Variants in ZNF438 observed in about 807,000 individuals in gnomAD.
ZNF438 encodes the protein zinc finger protein 438.
In ZNF438, 25 loss-of-function variants were observed where a neutral mutation model predicts 38.0. The observed-to-expected ratio is 0.66, with a 90% CI of 0.48 to 0.92. The LOEUF is 0.92. ZNF438 is among the 40% of genes least tolerant of loss of function. The probability of loss-of-function intolerance (pLI) is 0.00; values close to 1 mark genes in which losing one functional copy is unlikely to be tolerated. For synonymous variants in ZNF438, 372 were observed against 364.1 expected (o/e 1.02, Z -0.25); for missense variants, 1,007 against 999.6 (o/e 1.01, Z -0.10).
chr10:30,974,564 A>G (rs1270331203), intron 1 of ZNF438, among the ~76,000 whole-genome samples: 2 of 152,254 alleles, frequency 1.3e-5, no homozygotes, highest in African/African-American at 2.4e-5. Flanking sequence ...AATAGGGACA[A>G]TCGACTGCAA....
At position 30,956,811 on chromosome 10, in the gene ZNF438, A is replaced by C. The variant is rs532489262; in HGVS notation, c.-191-15160T>G. ...ACTAATAAACACTTAGGTTGATTCC[A>C]TATCTTGGCTATTGTAACTAGTGCT... On this transcript the variant is annotated intron_variant, in intron 1 of 5. Coordinates refer to ENST00000413025, the Ensembl canonical transcript of ZNF438. Among the ~76,000 whole-genome samples the C allele has an allele frequency of 2.0e-4, 31 of 152,290 alleles. No individual in the cohort carries two copies. The South Asian group carries it at 6.2e-3, about 31-fold the overall frequency.
At chr10:30,875,299 AG>A in intron 4 of ZNF438, 1 of 985,452 alleles carries the variant, frequency 1.0e-6, no homozygotes, top group African/African-American at 1.7e-5. Flanking sequence ...AGAGCCAAGC[AG>A]CTTGTTGCTT....
chr10:30,940,448 G>A (rs1216121067), intron 2 of ZNF438, among the ~76,000 whole-genome samples: 1 of 152,168 alleles, frequency 6.6e-6, no homozygotes, highest in Non-Finnish European at 1.5e-5. Flanking sequence ...GGGTTTCAAC[G>A]TGCAGAGGAA....
chr10:30,906,167 C>T (rs1197278399), intron 3 of ZNF438, among the ~76,000 whole-genome samples: 2 of 152,160 alleles, frequency 1.3e-5, no homozygotes, highest in Non-Finnish European at 2.9e-5. Context: ...ACTATCTTAA[C>T]AATGTGAGTT....
chr10:31,030,262 T>G (rs1365858505), intron 1 of ZNF438, among the ~76,000 whole-genome samples: 1 of 152,176 alleles, frequency 6.6e-6, no homozygotes, highest in East Asian at 1.9e-4. Flanking sequence ...TCCCCCACTG[T>G]CCTCCTTTCT....
intron 1 of ZNF438, among the ~76,000 whole-genome samples, chr10:31,017,572 T>C (rs35589090): frequency 0.017 from 2,644 of 152,326 alleles, 47 homozygotes; most frequent in Middle Eastern, 0.041. Flanking sequence ...AAGGATTTAA[T>C]CTGGTCATAG....
At chr10:30,871,979 A>G (rs2037481789) in intron 4 of ZNF438, among the ~76,000 whole-genome samples, 1 of 152,206 alleles carries the variant, frequency 6.6e-6, no homozygotes, top group Non-Finnish European at 1.5e-5. Flanking sequence ...CCTTTAAATA[A>G]CACAAATGTT....
intron 3 of ZNF438, among the ~76,000 whole-genome samples, chr10:30,877,657 G>A (rs553433688): frequency 6.6e-6 from 1 of 152,258 alleles, no homozygotes; most frequent in South Asian, 2.1e-4. Flanking sequence ...TTTACAGTGT[G>A]TTTGGTGATG....
intron 1 of ZNF438, among the ~76,000 whole-genome samples, chr10:30,977,884 G>A (rs2051592976): frequency 6.6e-6 from 1 of 151,848 alleles, no homozygotes; most frequent in South Asian, 2.1e-4. Context: ...TCAGAAGGCT[G>A]AGGCAGAGAA....
chr10:30,921,738 G>A (rs1344956828), intron 2 of ZNF438, among the ~76,000 whole-genome samples: 1 of 152,188 alleles, frequency 6.6e-6, no homozygotes, highest in Non-Finnish European at 1.5e-5. Context: ...TCTTAAAACT[G>A]AGGAACATCC....
chr10:30,853,084 G>A (rs751874376), intron 4 of ZNF438, among the ~76,000 whole-genome samples: 20 of 151,748 alleles, frequency 1.3e-4, no homozygotes, highest in Non-Finnish European at 2.6e-4. Context: ...TTAGAGATGT[G>A]GCTTAATAAA....
rs150946836 is a variant in ZNF438 at position 30,874,018 on chromosome 10, G to A, written c.37+2980C>T. On this transcript the variant is annotated intron_variant, in intron 4 of 5. Transcript: ENST00000413025. ...TGCATTTAATTAATAAATAGCATGT[G>A]CCCAGCAAACTTCTCATGTCACACA... Among the ~76,000 whole-genome samples the A allele has an allele frequency of 3.3e-5, 5 of 151,526 alleles. No individual in the cohort carries two copies. In the East Asian group the frequency reaches 5.8e-4, roughly 18 times the overall value.
At chr10:30,848,628 C>A (rs1318179747) in exon 5 of ZNF438, 3 of 1,614,224 alleles carry the variant, frequency 1.9e-6, no homozygotes, top group African/African-American at 1.3e-5. Context: ...GTGCTGATCA[C>A]AACCCTATGC....
chr10:30,862,931 A>G (rs980978753), intron 4 of ZNF438, among the ~76,000 whole-genome samples: 2 of 152,250 alleles, frequency 1.3e-5, no homozygotes, highest in Admixed American at 1.3e-4. Flanking sequence ...GGTATTTTTG[A>G]GGAATGTGCA....
At chr10:30,893,374 C>T (rs191970748) in intron 3 of ZNF438, among the ~76,000 whole-genome samples, 4 of 152,260 alleles carry the variant, frequency 2.6e-5, no homozygotes, top group African/African-American at 9.6e-5. Context: ...GAGTCCGTTG[C>T]AAGAGACAGT....
chr10:30,949,619 G>A (rs563452029), intron 1 of ZNF438, among the ~76,000 whole-genome samples: 1 of 152,274 alleles, frequency 6.6e-6, no homozygotes. Context: ...TGATAAAACA[G>A]ACTTTAAACC....
At chr10:30,949,167 G>A (rs938504320) in intron 1 of ZNF438, among the ~76,000 whole-genome samples, 5 of 151,828 alleles carry the variant, frequency 3.3e-5, no homozygotes, top group Non-Finnish European at 5.9e-5. Context: ...ATAAGCGAAG[G>A]AGAAATAAAA....
At chr10:30,949,317 C>T (rs1258232158) in intron 1 of ZNF438, among the ~76,000 whole-genome samples, 1 of 151,880 alleles carries the variant, frequency 6.6e-6, no homozygotes, top group African/African-American at 2.4e-5. Context: ...TAAAGACCAT[C>T]AAGACTACGA....
At chr10:31,002,336 C>T (rs1477284170) in intron 1 of ZNF438, among the ~76,000 whole-genome samples, 1 of 152,118 alleles carries the variant, frequency 6.6e-6, no homozygotes, top group Non-Finnish European at 1.5e-5. Context: ...AGAGAACTTC[C>T]TCTTCAGATA....
Sources: gnomAD v4.1 joint callset for allele counts (sites outside exome capture counted in the v4.1 genomes callset) on GRCh38, gnomAD v4.1.1 for gene constraint, MANE v1.5 for transcripts, NCBI Gene and HGNC (gene_info 2026-07-23, HGNC 2026-07-21) for gene names.